MACROH2A2: variants seen among roughly 807,000 people sequenced by gnomAD.
The protein encoded by MACROH2A2 is macroH2A.2 histone.
Under a neutral mutation model 37.6 loss-of-function variants are expected in MACROH2A2, and 6 were observed. That is an observed-to-expected ratio of 0.16 (90% CI 0.09 to 0.32). The LOEUF (loss-of-function observed/expected upper bound fraction) is 0.32, where lower values mean the gene tolerates loss of function less well. MACROH2A2 is among the 10% of genes least tolerant of loss of function. The pLI is 1.00. For missense variants in MACROH2A2, 290 were observed against 485.9 expected (o/e 0.60, Z 3.79); for synonymous variants, 192 against 202.7 (o/e 0.95, Z 0.45).
intron 1 of MACROH2A2, among the ~76,000 whole-genome samples, chr10:70,061,158 A>G (rs2072048165): frequency 6.6e-6 from 1 of 152,148 alleles, no homozygotes; most frequent in South Asian, 2.1e-4. Flanking sequence ...AGATCCCAGT[A>G]TAATTTTAAA....
At chr10:70,062,484 A>C (rs1462882692) in intron 1 of MACROH2A2, among the ~76,000 whole-genome samples, 1 of 152,222 alleles carries the variant, frequency 6.6e-6, no homozygotes, top group Non-Finnish European at 1.5e-5. Flanking sequence ...AGTTTTTTTT[A>C]AATTTCAATT....
Position 70,093,778 on chromosome 10 carries a change from C to T in MACROH2A2, c.521C>T (p.Thr174Ile). ...DSDKEGTSNS[T>I]SEDGPGDGFT... ...GATAAAGAAGGAACTTCAAATTCCACCTCTGAAGATGGGCCAGGGGATGGA... is the reference window on the plus strand; with the variant it reads ...GATAAAGAAGGAACTTCAAATTCCATCTCTGAAGATGGGCCAGGGGATGGA... The change falls in exon 5 of 9, where the codon ACC becomes ATC. Residue 174 changes from threonine to isoleucine, a missense_variant. Around this residue, in one of 3 missense-constraint regions of MACROH2A2, gnomAD observed 77 missense variants for 68.9 expected, o/e 1.12. Transcript: ENST00000373255. 1 of 1,612,118 alleles carries T rather than the reference C, an allele frequency of 6.2e-7. No homozygotes were observed. The highest frequency in any genetic ancestry group is 8.5e-7 in the Non-Finnish European group (1 of 1,178,144).
chr10:70,067,088 C>T (rs942323518), intron 1 of MACROH2A2, among the ~76,000 whole-genome samples: 3 of 152,144 alleles, frequency 2.0e-5, no homozygotes, highest in Non-Finnish European at 4.4e-5. Flanking sequence ...AATGAGTCAA[C>T]AATATCTATT....
At chr10:70,108,993 T>C (rs779835184) in intron 7 of MACROH2A2, 40 bp from the exon 8 acceptor site, 3 of 1,588,080 alleles carry the variant, frequency 1.9e-6, no homozygotes, top group Non-Finnish European at 2.6e-6. Context: ...CTAGGAAACC[T>C]TAGGAAATAA....
At chr10:70,069,733 AAAC>A (rs148886023) in intron 1 of MACROH2A2, among the ~76,000 whole-genome samples, 2,682 of 152,250 alleles carry the variant, frequency 0.018, 67 homozygotes, top group African/African-American at 0.051. Context: ...AGCCTGAAGA[AAAC>A]AAATTTTCAC....
chr10:70,059,239 G>A (rs1212276817), intron 1 of MACROH2A2, among the ~76,000 whole-genome samples: 1 of 152,136 alleles, frequency 6.6e-6, no homozygotes, highest in Non-Finnish European at 1.5e-5. Context: ...TCTCAGGTGG[G>A]GCTCCACAGA....
At chr10:70,070,636 C>T (rs905199135) in intron 1 of MACROH2A2, among the ~76,000 whole-genome samples, 1 of 152,110 alleles carries the variant, frequency 6.6e-6, no homozygotes, top group Non-Finnish European at 1.5e-5. Context: ...GAATTACAGG[C>T]ACCCGCCACC....
chr10:70,055,192 A>G (rs1485445754), intron 1 of MACROH2A2, among the ~76,000 whole-genome samples: 1 of 152,200 alleles, frequency 6.6e-6, no homozygotes, highest in Non-Finnish European at 1.5e-5. Context: ...GTCCTGTCTT[A>G]GGCAACTTTA....
At chr10:70,105,313 G>A (rs1274276732) in intron 7 of MACROH2A2, among the ~76,000 whole-genome samples, 2 of 152,218 alleles carry the variant, frequency 1.3e-5, no homozygotes, top group African/African-American at 4.8e-5. Context: ...GAACACTCCT[G>A]AATTTTACAA....
At chr10:70,085,036 C>A (rs2072202498) in intron 2 of MACROH2A2, among the ~76,000 whole-genome samples, 1 of 152,102 alleles carries the variant, frequency 6.6e-6, no homozygotes, top group Admixed American at 6.6e-5. Context: ...GAGAAGAGAG[C>A]TTTAACTCAG....
chr10:70,100,622 T>A (rs2072301416), intron 7 of MACROH2A2, among the ~76,000 whole-genome samples: 1 of 150,832 alleles, frequency 6.6e-6, no homozygotes, highest in African/African-American at 2.4e-5. Flanking sequence ...TTGTTCTTTT[T>A]TTTTTTTTTT....
At chr10:70,080,418 C>T (rs2072169014) in intron 2 of MACROH2A2, among the ~76,000 whole-genome samples, 1 of 151,986 alleles carries the variant, frequency 6.6e-6, no homozygotes, top group African/African-American at 2.4e-5. Flanking sequence ...CAGTTTGGGA[C>T]CTGTTGAGCT....
intron 7 of MACROH2A2, among the ~76,000 whole-genome samples, chr10:70,102,972 G>A (rs1443769856): frequency 6.9e-6 from 1 of 144,390 alleles, no homozygotes; most frequent in Non-Finnish European, 1.5e-5. Flanking sequence ...ATAAGATGCA[G>A]AGTCGCTTCA....
At chr10:70,097,889 G>A (rs1440567267) in intron 6 of MACROH2A2, among the ~76,000 whole-genome samples, 3 of 152,084 alleles carry the variant, frequency 2.0e-5, no homozygotes, top group African/African-American at 4.8e-5. Flanking sequence ...CAGGAGGATC[G>A]CTTGAGCCCA....
chr10:70,058,264 G>T (rs772082418), intron 1 of MACROH2A2, among the ~76,000 whole-genome samples: 1 of 152,098 alleles, frequency 6.6e-6, no homozygotes, highest in Non-Finnish European at 1.5e-5. Context: ...TACTTTGCCC[G>T]ATTTATTTGA....
At chr10:70,057,260 C>T (rs567030103) in intron 1 of MACROH2A2, among the ~76,000 whole-genome samples, 3 of 142,710 alleles carry the variant, frequency 2.1e-5, no homozygotes, top group Non-Finnish European at 3.0e-5. Flanking sequence ...GGTAAGGGGG[C>T]TGGTTCTAGT....
In MACROH2A2 at chr10:70,075,476, A is replaced by C. The variant is rs1383701468; in HGVS notation, c.-59-124A>C. The C allele has an allele frequency of 1.7e-6, 1 of 604,514 alleles. No homozygotes were observed. Among genetic ancestry groups the C allele is most frequent in the Non-Finnish European group, 2.9e-6 (1 of 340,074 alleles). 37.4% of individuals were successfully genotyped at this position (604,514 alleles called of 1,614,324 possible). A position where few individuals can be genotyped will look rare whatever the true frequency, so the allele number is the denominator to read the frequency against. ...CCGTGCCTCCTGCACCTGCAGTAGC[A>C]GCCAGATTTCAGCTGCCTCCCCAGG... On this transcript the variant is annotated intron_variant, in intron 1 of 8. Coordinates refer to ENST00000373255, the MANE Select transcript of MACROH2A2 (RefSeq NM_018649.3). This position sits in a 1 kb window ranked among gnomAD's most constrained non-coding sequence, Gnocchi z 5.0.
intron 1 of MACROH2A2, among the ~76,000 whole-genome samples, chr10:70,056,528 G>A (rs2072018373): frequency 6.6e-6 from 1 of 152,172 alleles, no homozygotes; most frequent in African/African-American, 2.4e-5. Context: ...AATACATAAT[G>A]ATAATACATA....
chr10:70,053,875 G>A lies in MACROH2A2; in HGVS notation c.-60+875G>A, dbSNP rs1186231157. Among the ~76,000 whole-genome samples the A allele has an allele frequency of 2.0e-5, 3 of 152,258 alleles. No individual in the cohort carries two copies. The East Asian group carries it at 5.8e-4, about 29-fold the overall frequency. On this transcript the variant is annotated intron_variant, in intron 1 of 8. Transcript: ENST00000373255. The surrounding 1 kb of genome is among the most constrained non-coding windows in gnomAD (Gnocchi z 4.8). ...AAAAGGGAATAAAAGTAAACTGGCTGCGGCGCAGGAAAGGGCTCTGCCGGG... is the reference window on the plus strand; with the variant it reads ...AAAAGGGAATAAAAGTAAACTGGCTACGGCGCAGGAAAGGGCTCTGCCGGG...
Sources: allele counts gnomAD v4.1 joint callset (sites outside exome capture counted in the v4.1 genomes callset), GRCh38; gene constraint gnomAD v4.1.1; regional missense constraint gnomAD v4.1.1; non-coding constraint Gnocchi (gnomAD v3.1); transcripts MANE v1.5; gene names NCBI Gene and HGNC (gene_info 2026-07-23, HGNC 2026-07-21).